Variants in TTLL3 observed in about 807,000 individuals in gnomAD.
TTLL3 encodes the protein tubulin tyrosine ligase like 3.
A neutral mutation model predicts 75.2 loss-of-function variants in TTLL3; 63 were observed. The ratio of observed to expected loss-of-function variants is 0.84; its 90% CI spans 0.68 to 1.03. The LOEUF (loss-of-function observed/expected upper bound fraction) is 1.03, where lower values mean the gene tolerates loss of function less well. Among genes scored for constraint, TTLL3 ranks in the 50% least tolerant of loss-of-function variants. The probability of loss-of-function intolerance (pLI) is 0.00; values close to 1 mark genes in which losing one functional copy is unlikely to be tolerated. For missense variants in TTLL3, 997 were observed against 1,069.9 expected, an observed-to-expected ratio of 0.93 and a Z score of 0.95; for synonymous variants, 393 against 418.5, an observed-to-expected ratio of 0.94 and a Z score of 0.74.
At chr3:9,823,266 C>T (rs1013395865) in intron 8 of TTLL3, among the ~76,000 whole-genome samples, 3 of 151,986 alleles carry the variant, frequency 2.0e-5, no homozygotes, top group African/African-American at 7.2e-5. Flanking sequence ...TGCCTGTAGT[C>T]CTAGCTACTC....
intron 6 of TTLL3, chr3:9,818,407 C>T (rs926242306): frequency 1.2e-5 from 2 of 160,778 alleles, no homozygotes; most frequent in African/African-American, 4.9e-5. Context: ...CTCGCTCTGT[C>T]ACCCAGGCTG....
At chr3:9,826,921 A>G in intron 9 of TTLL3, 76 bp from the exon 10 acceptor site, 4 of 1,595,336 alleles carry the variant, frequency 2.5e-6, no homozygotes, top group Non-Finnish European at 3.4e-6. Flanking sequence ...CGAGGGGACA[A>G]GAGCTCATGA....
intron 6 of TTLL3, chr3:9,818,188 T>A (rs2080069070): frequency 5.7e-6 from 1 of 174,738 alleles, no homozygotes; most frequent in Admixed American, 5.6e-5. Context: ...TATGCTAGAT[T>A]TAAATTACAT....
At chr3:9,815,326 CA>C (rs1283144621) in intron 4 of TTLL3, among the ~76,000 whole-genome samples, 1 of 152,040 alleles carries the variant, frequency 6.6e-6, no homozygotes, top group African/African-American at 2.4e-5. Context: ...AGCCCTTGGG[CA>C]AGTCACTTGC....
chr3:9,810,014 G>A (rs2079194934), upstream of TTLL3: 1 of 1,312,180 alleles, frequency 7.6e-7, no homozygotes, highest in Non-Finnish European at 9.7e-7. The surrounding 1 kb of genome is among the most constrained non-coding windows in gnomAD (Gnocchi z 4.4). Context: ...CGCATGCAGG[G>A]CCCCGACGCG....
rs1263029187 is a variant in TTLL3 at position 9,817,416 on chromosome 3, T to G, written c.445-229T>G. ...TCCAGCCTGGGTGACAGAGTGAGAC[T>G]CCATCTCAAAAAAAAAAAGAATGTG... is the stretch of plus-strand genomic sequence containing the variant. On this transcript the variant is annotated intron_variant, in intron 5 of 13. Coordinates refer to ENST00000685419, the MANE Select transcript of TTLL3 (RefSeq NM_001387446.1). 3.1e-6 allele frequency: 3 copies of G among 975,646 alleles called. No individual in the cohort carries two copies. In the African/African-American group the frequency reaches 5.5e-5, roughly 18 times the overall value. 60.4% of individuals were successfully genotyped at this position (975,646 alleles called of 1,614,324 possible).
At chr3:9,832,269 G>A (rs561362717) in intron 11 of TTLL3, among the ~76,000 whole-genome samples, 1 of 151,796 alleles carries the variant, frequency 6.6e-6, no homozygotes, top group African/African-American at 2.4e-5. Context: ...TGTATTTTTA[G>A]TAGAGACAGG....
At chr3:9,834,487 C>A in intron 12 of TTLL3, 194 bp from the exon 13 acceptor site, 1 of 894,858 alleles carries the variant, frequency 1.1e-6, no homozygotes, top group Non-Finnish European at 1.8e-6. Flanking sequence ...AGGGGCACAG[C>A]TGGGATGCAG....
At position 9,835,768 on chromosome 3, in the gene TTLL3, G is replaced by T; in HGVS notation, c.*279G>T. The T allele has an allele frequency of 2.4e-6, 1 of 418,078 alleles. No homozygotes were observed. Among genetic ancestry groups the T allele is most frequent in the Non-Finnish European group, 4.2e-6 (1 of 235,992 alleles). 25.9% of individuals were successfully genotyped at this position (418,078 alleles called of 1,614,324 possible). ...CCAAGCTAGCAGAATGACACCTACCGGGCATAGGAACGTTAATGCCATGAG... is the reference window on the plus strand; with the variant it reads ...CCAAGCTAGCAGAATGACACCTACCTGGCATAGGAACGTTAATGCCATGAG... On this transcript the variant is annotated 3_prime_UTR_variant, in exon 14 of 14. Transcript: ENST00000685419.
intron 11 of TTLL3, among the ~76,000 whole-genome samples, chr3:9,831,700 C>T (rs1011480362): frequency 6.6e-6 from 1 of 151,930 alleles, no homozygotes; most frequent in Non-Finnish European, 1.5e-5. Context: ...TTCTGTTGTT[C>T]CTTCTGCATT....
chr3:9,828,633 C>T (rs1157511230), intron 10 of TTLL3: 5 of 330,976 alleles, frequency 1.5e-5, no homozygotes, highest in African/African-American at 1.0e-4. Flanking sequence ...TGAACACGTC[C>T]TGGCGATGAC....
Position 9,827,126 on chromosome 3 carries a change from T to C in TTLL3, c.1133T>C (p.Phe378Ser). 1 of 1,614,236 alleles carries C rather than the reference T, an allele frequency of 6.2e-7. No homozygotes were observed. The highest frequency in any genetic ancestry group is 1.1e-5 in the South Asian group (1 of 91,086). Residue 378 changes from phenylalanine to serine, a missense_variant, in exon 10 of 14, where the codon TTT becomes TCT. Physicochemically the swap from Phe to Ser is radical, Grantham distance 155. Coordinates refer to ENST00000685419, the MANE Select transcript of TTLL3 (RefSeq NM_001387446.1). ...ERPLLIFGTK[F>S]DLRQWFLVTD... ...CCCCTCCTCATCTTTGGCACCAAGT[T>C]TGACCTCAGACAGTGGTTCCTGGTA...
At chr3:9,834,093 C>T in intron 12 of TTLL3, 1 of 213,974 alleles carries the variant, frequency 4.7e-6, no homozygotes, top group Admixed American at 7.3e-5. Flanking sequence ...GCCTGGGCAA[C>T]AAGAGCAAAA....
At position 9,810,600 on chromosome 3, in the gene TTLL3, C is replaced by G; in HGVS notation, c.-41-21C>G. 1.3e-6 allele frequency: 2 copies of G among 1,553,746 alleles called. No individual in the cohort carries two copies. Among genetic ancestry groups the G allele is most frequent in the African/African-American group, 2.7e-5 (2 of 73,452 alleles). On this transcript the variant is annotated intron_variant, in intron 1 of 13. Coordinates refer to ENST00000685419, the MANE Select transcript of TTLL3 (RefSeq NM_001387446.1). This position sits in a 1 kb window ranked among gnomAD's most constrained non-coding sequence, Gnocchi z 4.4. ...GGCCCAGCCTCAGTGTACCCCGCCC[C>G]TATTCCGCATCTTTCTGCAGGTTTC...
rs751937920 is a variant in TTLL3, at chr3:9,835,075, C to A, written c.2053-19C>A. 4 of 1,595,544 alleles carry A rather than the reference C, an allele frequency of 2.5e-6. No homozygotes were observed. In the Admixed American group the frequency reaches 5.1e-5, roughly 20 times the overall value. On this transcript the variant is annotated intron_variant, in intron 13 of 13. Coordinates refer to ENST00000685419, the MANE Select transcript of TTLL3 (RefSeq NM_001387446.1). Reference sequence around the variant, plus strand: ...AGACTTCTGATCATCTCCCTCTTCTCCCCTCCTTTCACACCGAGGCTCCTG... The same window carrying A: ...AGACTTCTGATCATCTCCCTCTTCTACCCTCCTTTCACACCGAGGCTCCTG...
intron 9 of TTLL3, 43 bp from the exon 10 acceptor site, chr3:9,826,954 C>G (rs770564364): frequency 1.2e-6 from 2 of 1,612,062 alleles, no homozygotes; most frequent in African/African-American, 2.7e-5. Flanking sequence ...TCTCCTGGCC[C>G]ACGCCTGACC....
chr3:9,824,200 ACAAG>A (rs1299563879), intron 8 of TTLL3, among the ~76,000 whole-genome samples: 1 of 152,210 alleles, frequency 6.6e-6, no homozygotes, highest in Non-Finnish European at 1.5e-5. Context: ...TGGGAAGAAA[ACAAG>A]CAAGAAGAGG....
intron 8 of TTLL3, among the ~76,000 whole-genome samples, chr3:9,822,008 A>G (rs1320428902): frequency 2.6e-5 from 4 of 151,186 alleles, no homozygotes; most frequent in Non-Finnish European, 4.4e-5. Flanking sequence ...GTCTCAAAAA[A>G]AAAAAAAAAA....
At chr3:9,811,329 TC>T (rs1409655824) in intron 2 of TTLL3, among the ~76,000 whole-genome samples, 3 of 152,212 alleles carry the variant, frequency 2.0e-5, no homozygotes, top group Non-Finnish European at 2.9e-5. Context: ...ACTTTGATCT[TC>T]CTGCCCAAAC....
Sources: gnomAD v4.1 joint callset for allele counts (sites outside exome capture counted in the v4.1 genomes callset) on GRCh38, gnomAD v4.1.1 for gene constraint, Gnocchi (gnomAD v3.1) non-coding constraint, MANE v1.5 for transcripts, NCBI Gene and HGNC (gene_info 2026-07-23, HGNC 2026-07-21) for gene names.